Variants in UBE2E2 observed in about 807,000 individuals in gnomAD.
UBE2E2 encodes ubiquitin-conjugating enzyme E2 E2.
A neutral mutation model predicts 24.7 loss-of-function variants in UBE2E2; 6 were observed. That is an observed-to-expected ratio of 0.24 (90% CI 0.13 to 0.48). UBE2E2 has a LOEUF of 0.48. Ranked by LOEUF, UBE2E2 falls within the 20% of genes least tolerant of loss-of-function variation. UBE2E2 has a pLI of 0.99. For missense variants in UBE2E2, 169 were observed against 245.0 expected (o/e 0.69, Z 2.07); for synonymous variants, 104 against 83.6 (o/e 1.24, Z -1.33).
chr3:23,413,230 A>C (rs904942639), intron 3 of UBE2E2, among the ~76,000 whole-genome samples: 11 of 152,170 alleles, frequency 7.2e-5, no homozygotes, highest in Non-Finnish European at 1.3e-4. Context: ...TGAGAAAAAA[A>C]AGTTAATTTA....
intron 3 of UBE2E2, among the ~76,000 whole-genome samples, chr3:23,291,768 C>T (rs756809983): frequency 1.1e-4 from 17 of 149,080 alleles, no homozygotes; most frequent in Non-Finnish European, 2.4e-4. Flanking sequence ...CTGCAACCTC[C>T]GTCCCCTGGG....
intron 3 of UBE2E2, among the ~76,000 whole-genome samples, chr3:23,412,683 C>G (rs185067046): frequency 2.0e-5 from 3 of 152,160 alleles, no homozygotes; most frequent in Non-Finnish European, 4.4e-5. Flanking sequence ...TTTCCTCATG[C>G]CTTTATTCAA....
chr3:23,500,374 C>T (rs942966352), intron 4 of UBE2E2, among the ~76,000 whole-genome samples: 3 of 152,142 alleles, frequency 2.0e-5, no homozygotes, highest in African/African-American at 7.2e-5. Flanking sequence ...GCAGTGAAAT[C>T]AGAACATGAA....
chr3:23,379,166 G>C (rs1470881044), intron 3 of UBE2E2, among the ~76,000 whole-genome samples: 1 of 152,108 alleles, frequency 6.6e-6, no homozygotes, highest in Non-Finnish European at 1.5e-5. Flanking sequence ...TTATGAAGTA[G>C]CTCCTCACAT....
intron 3 of UBE2E2, among the ~76,000 whole-genome samples, chr3:23,341,336 C>T: frequency 6.7e-6 from 1 of 149,752 alleles, no homozygotes; most frequent in Non-Finnish European, 1.5e-5. Context: ...AAGTACTCAT[C>T]TTATCCACAT....
intron 5 of UBE2E2, among the ~76,000 whole-genome samples, chr3:23,535,487 G>A (rs1312408688): frequency 1.3e-5 from 2 of 152,008 alleles, no homozygotes; most frequent in Non-Finnish European, 2.9e-5. Flanking sequence ...ATGTCCAAAC[G>A]TTATCAGCCA....
intron 3 of UBE2E2, among the ~76,000 whole-genome samples, chr3:23,488,798 G>A (rs767879670): frequency 4.6e-5 from 7 of 152,112 alleles, no homozygotes; most frequent in Non-Finnish European, 7.4e-5. Flanking sequence ...AGGTGGGGGC[G>A]GAATTAATTT....
intron 3 of UBE2E2, among the ~76,000 whole-genome samples, chr3:23,245,950 G>C (rs1365193851): frequency 6.6e-6 from 1 of 152,180 alleles, no homozygotes; most frequent in Non-Finnish European, 1.5e-5. Context: ...AAAATGATAA[G>C]TAAAATAACA....
Position 23,323,477 on chromosome 3 carries a change from G to A in UBE2E2, c.227+106165G>A, listed in dbSNP as rs549000780. On this transcript the variant is annotated intron_variant, in intron 3 of 5. Coordinates refer to ENST00000396703, the MANE Select transcript of UBE2E2 (RefSeq NM_152653.4). The stretch of plus-strand genomic sequence containing the variant: ...AATACGGGGTGAGCATCCCAAATTC[G>A]AAAATTCAAAACACTTTGTAATTCA... The A allele has an allele frequency of 2.1e-5, 9 of 427,266 alleles. No homozygotes were observed. The East Asian group carries it at 3.1e-4, about 15-fold the overall frequency. The allele number at this position is 427,266 out of a possible 1,614,324, so 26.5% of individuals were successfully genotyped here. A position where few individuals can be genotyped will look rare whatever the true frequency, so the allele number is the denominator to read the frequency against.
At chr3:23,547,050 CTT>C (rs1428198115) in intron 5 of UBE2E2, among the ~76,000 whole-genome samples, 2 of 152,064 alleles carry the variant, frequency 1.3e-5, no homozygotes, top group African/African-American at 2.4e-5. Flanking sequence ...CAAATTGACT[CTT>C]GTTTGGCAAA....
intron 3 of UBE2E2, among the ~76,000 whole-genome samples, chr3:23,342,531 G>C (rs967005525): frequency 3.3e-5 from 5 of 152,106 alleles, no homozygotes; most frequent in Admixed American, 6.5e-5. Flanking sequence ...ATTTTTCTGT[G>C]GTCGTAGGCT....
chr3:23,256,033 A>G (rs888723544), intron 3 of UBE2E2, among the ~76,000 whole-genome samples: 1 of 152,220 alleles, frequency 6.6e-6, no homozygotes, highest in Non-Finnish European at 1.5e-5. Flanking sequence ...CTTTCCCAAA[A>G]CAGCTTTTGA....
intron 3 of UBE2E2, among the ~76,000 whole-genome samples, chr3:23,291,481 T>G (rs529875754): frequency 6.6e-6 from 1 of 152,304 alleles, no homozygotes; most frequent in African/African-American, 2.4e-5. Flanking sequence ...TAATACTGCA[T>G]TTGTTACTCA....
intron 3 of UBE2E2, among the ~76,000 whole-genome samples, chr3:23,242,109 T>G (rs934312527): frequency 6.6e-6 from 1 of 151,732 alleles, no homozygotes; most frequent in Non-Finnish European, 1.5e-5. Flanking sequence ...AGAGATGGAG[T>G]CTTGCTGTGT....
intron 3 of UBE2E2, among the ~76,000 whole-genome samples, chr3:23,303,324 C>G (rs1699153086): frequency 2.0e-5 from 3 of 152,002 alleles, no homozygotes; most frequent in Non-Finnish European, 2.9e-5. Context: ...AAATAAAGTG[C>G]ACAACAACTA....
intron 3 of UBE2E2, among the ~76,000 whole-genome samples, chr3:23,255,965 AC>A (rs1377060457): frequency 6.6e-6 from 1 of 152,154 alleles, no homozygotes; most frequent in Admixed American, 6.5e-5. Flanking sequence ...ACACGGCAAG[AC>A]TCTGCCTCTA....
intron 3 of UBE2E2, among the ~76,000 whole-genome samples, chr3:23,338,150 A>G (rs1695264193): frequency 6.6e-6 from 1 of 152,180 alleles, no homozygotes; most frequent in Non-Finnish European, 1.5e-5. Context: ...CAGTGGTTGT[A>G]TTTGTGTGGG....
intron 3 of UBE2E2, among the ~76,000 whole-genome samples, chr3:23,302,951 A>C (rs752831763): frequency 4.4e-4 from 67 of 152,272 alleles, no homozygotes; most frequent in Non-Finnish European, 7.1e-4. Context: ...AGGGGTCCCC[A>C]GTTCCCATGA....
At chr3:23,481,693 G>A (rs777245760) in intron 3 of UBE2E2, among the ~76,000 whole-genome samples, 4 of 152,178 alleles carry the variant, frequency 2.6e-5, no homozygotes, top group African/African-American at 4.8e-5. Context: ...AATCTGCCTG[G>A]CAGCCAACAA....
Sources: allele counts gnomAD v4.1 joint callset (sites outside exome capture counted in the v4.1 genomes callset), GRCh38; gene constraint gnomAD v4.1.1; transcripts MANE v1.5; gene names NCBI Gene and HGNC (gene_info 2026-07-23, HGNC 2026-07-21).